Variants in CACNA1C observed in about 807,000 individuals in gnomAD.
CACNA1C encodes the protein voltage-dependent L-type calcium channel subunit alpha-1C.
Under a neutral mutation model 229.0 loss-of-function variants are expected in CACNA1C, and 30 were observed. The ratio of observed to expected loss-of-function variants is 0.13; its 90% confidence interval spans 0.10 to 0.18. The LOEUF is 0.18. Among genes scored for constraint, CACNA1C ranks in the 10% least tolerant of loss-of-function variants. The pLI is 1.00. For synonymous variants in CACNA1C, 1,114 were observed against 1,132.5 expected (o/e 0.98, Z 0.33); for missense variants, 1,658 against 2,845.0 (o/e 0.58, Z 9.49).
exon 1 of CACNA1C, chr12:1,970,907 A>G (rs900271936): frequency 2.8e-5 from 9 of 324,058 alleles, no homozygotes; most frequent in African/African-American, 1.7e-4. Flanking sequence ...TGTAACTTAA[A>G]CTTGCAGCGA....
At chr12:1,979,500 G>A (rs1390122159) in intron 1 of CACNA1C, among the ~76,000 whole-genome samples, 1 of 146,224 alleles carries the variant, frequency 6.8e-6, no homozygotes, top group African/African-American at 2.5e-5. Flanking sequence ...TTAGTAGAGA[G>A]GGGGTTTCAC....
At chr12:2,328,249 C>T (rs577752999) in intron 3 of CACNA1C, among the ~76,000 whole-genome samples, 1 of 152,276 alleles carries the variant, frequency 6.6e-6, no homozygotes, top group South Asian at 2.1e-4. Context: ...CTTCTTAGTA[C>T]CTGGGTAGCA....
intron 3 of CACNA1C, among the ~76,000 whole-genome samples, chr12:2,273,253 T>A (rs2085950553): frequency 6.6e-6 from 1 of 152,236 alleles, no homozygotes; most frequent in Non-Finnish European, 1.5e-5. Context: ...AAGTGCTATA[T>A]AAATAGTTCT....
At chr12:2,681,993 G>A (rs2097171611) in intron 42 of CACNA1C, 2 of 1,611,822 alleles carry the variant, frequency 1.2e-6, no homozygotes, top group South Asian at 2.2e-5. Flanking sequence ...GCTCAGGAGG[G>A]ATTCAGGCTC....
intron 18 of CACNA1C, among the ~76,000 whole-genome samples, chr12:2,592,702 AAT>A (rs2065962202): frequency 1.3e-5 from 1 of 76,260 alleles, no homozygotes; most frequent in African/African-American, 4.6e-5. Context: ...ACAGCACATG[AAT>A]TTTTTTTTTT....
At chr12:2,439,701 A>C (rs2099198272) in intron 3 of CACNA1C, among the ~76,000 whole-genome samples, 1 of 151,968 alleles carries the variant, frequency 6.6e-6, no homozygotes, top group African/African-American at 2.4e-5. Flanking sequence ...AGAAAGAGAT[A>C]AGTTTGAGAA....
Position 2,601,508 on chromosome 12 carries a change from T to C in CACNA1C, c.2854-346T>C, listed in dbSNP as rs1403642091. On this transcript the variant is annotated intron_variant, in intron 21 of 46. Coordinates refer to ENST00000399655, the MANE Select transcript of CACNA1C (RefSeq NM_000719.7). This position sits in a 1 kb window ranked among gnomAD's most constrained non-coding sequence, Gnocchi z 5.9. ...ACCCGACAGCATCAGGAAAGGACCC[T>C]GCAGGCCCAAAGCCATGGACTTGGG... Among the ~76,000 whole-genome samples the C allele has an allele frequency of 6.6e-6, 1 of 151,940 alleles. No individual in the cohort carries two copies. The highest frequency in any genetic ancestry group is 1.9e-4 in the East Asian group (1 of 5,158).
intron 37 of CACNA1C, among the ~76,000 whole-genome samples, chr12:2,667,777 T>C (rs7295250): frequency 0.42 from 64,445 of 151,978 alleles, 16,483 homozygotes; most frequent in African/African-American, 0.72. Flanking sequence ...ATGAGGCTCA[T>C]CAAGATCTGG....
chr12:2,021,812 T>C (rs2046505222), intron 1 of CACNA1C, among the ~76,000 whole-genome samples: 1 of 152,186 alleles, frequency 6.6e-6, no homozygotes. Flanking sequence ...TGCAAGTCCT[T>C]TTCATGGTGG....
chr12:2,427,708 G>A (rs560587263), intron 3 of CACNA1C, among the ~76,000 whole-genome samples: 4 of 152,124 alleles, frequency 2.6e-5, no homozygotes, highest in East Asian at 1.9e-4. Flanking sequence ...TGCAACCTCC[G>A]CCTCCCGGGT....
intron 4 of CACNA1C, among the ~76,000 whole-genome samples, chr12:2,450,356 C>A (rs1040775830): frequency 6.6e-6 from 1 of 151,710 alleles, no homozygotes; most frequent in Non-Finnish European, 1.5e-5. Flanking sequence ...AGATCGAGAC[C>A]ATCCTGGCTA....
At chr12:2,598,274 G>A (rs927256039) in intron 21 of CACNA1C, among the ~76,000 whole-genome samples, 2 of 152,188 alleles carry the variant, frequency 1.3e-5, no homozygotes, top group African/African-American at 4.8e-5. Context: ...TGCTGGCCCA[G>A]CTCAGTTCTG....
intron 1 of CACNA1C, among the ~76,000 whole-genome samples, chr12:2,111,925 T>A (rs2154130825): frequency 6.6e-6 from 1 of 152,182 alleles, no homozygotes; most frequent in South Asian, 2.1e-4. Flanking sequence ...CACGTGGAGA[T>A]CATAGTAAAC....
chr12:2,659,660 G>T (rs1489901702), intron 34 of CACNA1C, among the ~76,000 whole-genome samples: 4 of 151,940 alleles, frequency 2.6e-5, no homozygotes, highest in Non-Finnish European at 5.9e-5. Context: ...ATGGGGAAAA[G>T]AATAGTAAAA....
intron 1 of CACNA1C, among the ~76,000 whole-genome samples, chr12:2,104,960 A>G (rs534837783): frequency 7.9e-5 from 12 of 152,240 alleles, no homozygotes; most frequent in South Asian, 2.1e-4. Context: ...TTTCTTCCCT[A>G]TGGTCTCTGA....
intron 37 of CACNA1C, among the ~76,000 whole-genome samples, chr12:2,668,018 T>A (rs986644610): frequency 1.3e-5 from 2 of 152,228 alleles, no homozygotes; most frequent in African/African-American, 4.8e-5. Flanking sequence ...AAGACAGCAC[T>A]ATCCAGTGTC....
chr12:2,244,963 G>A (rs1284869373), intron 3 of CACNA1C, among the ~76,000 whole-genome samples: 2 of 152,162 alleles, frequency 1.3e-5, no homozygotes, highest in Non-Finnish European at 2.9e-5. Flanking sequence ...TGCTCACCCT[G>A]ACATTCCCAC....
intron 3 of CACNA1C, among the ~76,000 whole-genome samples, chr12:2,282,329 G>T (rs2091524337): frequency 6.6e-6 from 1 of 152,140 alleles, no homozygotes; most frequent in African/African-American, 2.4e-5. Flanking sequence ...CCAAAGTAAG[G>T]AGAGTCCTGT....
intron 1 of CACNA1C, among the ~76,000 whole-genome samples, chr12:2,015,407 C>T (rs1169365286): frequency 1.3e-5 from 2 of 152,108 alleles, no homozygotes; most frequent in African/African-American, 4.8e-5. Context: ...CTAGGAGTCC[C>T]CTGTTTGCCA....
Sources: gnomAD v4.1 joint callset for allele counts (sites outside exome capture counted in the v4.1 genomes callset) on GRCh38, gnomAD v4.1.1 for gene constraint, Gnocchi (gnomAD v3.1) non-coding constraint, MANE v1.5 for transcripts, NCBI Gene and HGNC (gene_info 2026-07-23, HGNC 2026-07-21) for gene names.